Variants in PPP2R5C observed in about 807,000 individuals in gnomAD.
PPP2R5C encodes serine/threonine-protein phosphatase 2A 56 kDa regulatory subunit gamma isoform.
Under a neutral mutation model 68.9 loss-of-function variants are expected in PPP2R5C, and 7 were observed. That is an observed-to-expected ratio of 0.10 (90% confidence interval 0.06 to 0.19). The LOEUF is 0.19. PPP2R5C is among the 10% of genes least tolerant of loss of function. The pLI is 1.00. For synonymous variants in PPP2R5C, 210 were observed against 222.2 expected (o/e 0.95, Z 0.49); for missense variants, 348 against 641.3 (o/e 0.54, Z 4.94).
intron 6 of PPP2R5C, among the ~76,000 whole-genome samples, chr14:101,892,468 T>A (rs2045007802): frequency 6.6e-6 from 1 of 152,100 alleles, no homozygotes; most frequent in South Asian, 2.1e-4. Flanking sequence ...CAGGAGCTCC[T>A]GCTGTTGAGC....
intron 2 of PPP2R5C, among the ~76,000 whole-genome samples, chr14:101,865,103 C>A (rs1895115639): frequency 6.6e-6 from 1 of 152,194 alleles, no homozygotes; most frequent in Admixed American, 6.5e-5. Flanking sequence ...AAGTGGAATG[C>A]TGGTTCAGGG....
At chr14:101,762,440 C>G (rs1053580465) in intron 1 of PPP2R5C, among the ~76,000 whole-genome samples, 1 of 151,782 alleles carries the variant, frequency 6.6e-6, no homozygotes, top group Non-Finnish European at 1.5e-5. Flanking sequence ...CTGGGGCTCT[C>G]GAACACTATT....
chr14:101,772,652 C>A (rs1457505988), intron 2 of PPP2R5C, among the ~76,000 whole-genome samples: 1 of 151,820 alleles, frequency 6.6e-6, no homozygotes, highest in African/African-American at 2.4e-5. Flanking sequence ...TTTTAAAAGC[C>A]GAGTGTGGTG....
At chr14:101,890,192 GGTTA>G (rs763632865) in intron 5 of PPP2R5C, 41 bp from the exon 8 acceptor site, 3 of 1,526,104 alleles carry the variant, frequency 2.0e-6, no homozygotes, top group Non-Finnish European at 2.7e-6. Context: ...TTCTTATTCA[GGTTA>G]GTTCAGTGTC....
intron 3 of PPP2R5C, among the ~76,000 whole-genome samples, chr14:101,790,715 AT>A (rs1239499591): frequency 6.6e-6 from 1 of 152,196 alleles, no homozygotes; most frequent in African/African-American, 2.4e-5. Flanking sequence ...GCGAGCAGAT[AT>A]TTCATTTCTC....
At chr14:101,779,179 G>C (rs1285872574) in intron 2 of PPP2R5C, among the ~76,000 whole-genome samples, 1 of 152,234 alleles carries the variant, frequency 6.6e-6, no homozygotes, top group African/African-American at 2.4e-5. Context: ...TTGTGTGAAG[G>C]CTGGAATTAA....
Position 101,796,305 on chromosome 14 carries a change from G to A in PPP2R5C, c.259+10122G>A, listed in dbSNP as rs114590199. Among the ~76,000 whole-genome samples, 865 of 152,320 alleles carry A rather than the reference G, an allele frequency of 5.7e-3. 6 individuals carry two copies. Among genetic ancestry groups the A allele is most frequent in the African/African-American group, 0.02 (815 of 41,566 alleles). ...TCTTCTAGTCAGCTTAGAAAGAGCC[G>A]CGCAGGGAATCTCTGCTTTCATTAG... On this transcript the variant is annotated intron_variant, in intron 3 of 14. Transcript: ENST00000328724.
rs2141123065 is a variant in PPP2R5C, at chr14:101,913,101, AT to A, written c.1326+629del. Among the ~76,000 whole-genome samples, 1 of 152,286 alleles carries A rather than the reference AT, an allele frequency of 6.6e-6. No homozygotes were observed. Among genetic ancestry groups the A allele is most frequent in the African/African-American group, 2.4e-5 (1 of 41,558 alleles). On this transcript the variant is annotated intron_variant, in intron 12 of 13. Coordinates refer to ENST00000334743, the Ensembl canonical transcript of PPP2R5C. This position sits in a 1 kb window ranked among gnomAD's most constrained non-coding sequence, Gnocchi z 4.1. ...GGGTCCGGGAGGGTTTCCTGGTGTC[AT>A]GGTCTTTGGGTTTGATGTACGCTGC...
intron 8 of PPP2R5C, among the ~76,000 whole-genome samples, chr14:101,895,806 C>T (rs948802701): frequency 6.6e-6 from 1 of 152,120 alleles, no homozygotes; most frequent in Non-Finnish European, 1.5e-5. Context: ...CTATAATCCC[C>T]ATTTTCAGTT....
At chr14:101,761,864 C>CGGCAGG, upstream of PPP2R5C, 1 of 920,486 alleles carries the variant, frequency 1.1e-6, no homozygotes, top group Non-Finnish European at 1.3e-6. Flanking sequence ...GCGGCAGGGG[C>CGGCAGG]GGCGGCGGCG....
chr14:101,825,498 GC>G lies in PPP2R5C; in HGVS notation c.94+15464del, dbSNP rs2040345163. Among the ~76,000 whole-genome samples, 1 of 152,118 alleles carries G rather than the reference GC, an allele frequency of 6.6e-6. No homozygotes were observed. The highest frequency in any genetic ancestry group is 6.6e-5 in the Admixed American group (1 of 15,266). On this transcript the variant is annotated intron_variant, in intron 1 of 13. Coordinates refer to ENST00000334743, the Ensembl canonical transcript of PPP2R5C. This position sits in a 1 kb window ranked among gnomAD's most constrained non-coding sequence, Gnocchi z 4.0. ...AGTGCACGCTCCCAGCTTTTGCCCA[GC>G]CTATTTGGGGTGCACACGCTCATCG...
At chr14:101,923,934 G>T (rs1181350766) in intron 13 of PPP2R5C, among the ~76,000 whole-genome samples, 1 of 141,938 alleles carries the variant, frequency 7.0e-6, no homozygotes, top group East Asian at 2.1e-4. Context: ...TCTTTTTGTT[G>T]TCAAAAGACT....
In PPP2R5C at chr14:101,799,996, C is replaced by T. The variant is rs141992680; in HGVS notation, c.259+13813C>T. 8.3e-3 allele frequency among the ~76,000 whole-genome samples: 1,261 copies of T among 152,322 alleles called. 9 individuals are homozygous for T. Among genetic ancestry groups the T allele is most frequent in the Non-Finnish European group, 0.015 (1,000 of 68,024 alleles). On this transcript the variant is annotated intron_variant, in intron 3 of 14. Transcript: ENST00000328724. ...TTTTTATGCCAGGTGCAGTGGCTCA[C>T]GCCTATAATCCCAGTAATTTGGGAG...
chr14:101,771,221 TCGTG>T (rs1316153129), intron 2 of PPP2R5C, among the ~76,000 whole-genome samples: 1 of 72,634 alleles, frequency 1.4e-5, no homozygotes, highest in African/African-American at 5.1e-5. Flanking sequence ...TTTCTTCATC[TCGTG>T]TGTGTGTGTG....
intron 1 of PPP2R5C, among the ~76,000 whole-genome samples, chr14:101,810,506 A>G (rs559375918): frequency 1.3e-5 from 2 of 152,332 alleles, no homozygotes; most frequent in East Asian, 1.9e-4. Context: ...AATATGCACA[A>G]TTGATTGGAA....
At chr14:101,897,572 G>C (rs1040879839) in intron 8 of PPP2R5C, among the ~76,000 whole-genome samples, 1 of 151,990 alleles carries the variant, frequency 6.6e-6, no homozygotes, top group Non-Finnish European at 1.5e-5. Flanking sequence ...AGGCTGGGAG[G>C]CTAGGCCAGT....
intron 9 of PPP2R5C, among the ~76,000 whole-genome samples, chr14:101,905,217 G>A (rs985366685): frequency 5.9e-5 from 9 of 152,156 alleles, no homozygotes; most frequent in African/African-American, 1.2e-4. Flanking sequence ...AGCCAGGTGC[G>A]ATGGCGCATG....
In PPP2R5C at chr14:101,913,153, G is replaced by GT. The variant is rs772875347; in HGVS notation, c.1326+683dup. Among the ~76,000 whole-genome samples, 3 of 152,212 alleles carry GT rather than the reference G, an allele frequency of 2.0e-5. No individual in the cohort carries two copies. The highest frequency in any genetic ancestry group is 4.1e-4 in the South Asian group (2 of 4,834). ...TGTAAATGACTAGAGCGTTATGACA[G>GT]TTTCTTCACGTTCTGTGTGCCTGAT... On this transcript the variant is annotated intron_variant, in intron 12 of 13. Transcript: ENST00000334743. This position sits in a 1 kb window ranked among gnomAD's most constrained non-coding sequence, Gnocchi z 4.1.
At chr14:101,885,141 G>GGGT (rs1301560440) in intron 5 of PPP2R5C, among the ~76,000 whole-genome samples, 2 of 152,248 alleles carry the variant, frequency 1.3e-5, no homozygotes, top group African/African-American at 4.8e-5. Flanking sequence ...TGCAGGGCCA[G>GGGT]GGTGTGGACA....
Sources: allele counts gnomAD v4.1 joint callset (sites outside exome capture counted in the v4.1 genomes callset), GRCh38; gene constraint gnomAD v4.1.1; non-coding constraint Gnocchi (gnomAD v3.1); transcripts MANE v1.5; gene names NCBI Gene and HGNC (gene_info 2026-07-23, HGNC 2026-07-21).